The following NOX5 variants were observed in gnomAD, a reference collection of about 807,000 sequenced individuals.
NOX5 encodes the protein NADPH oxidase 5.
NOX5 carries 76 observed loss-of-function variants against 85.7 expected under a neutral mutation model. That is an observed-to-expected ratio of 0.89 (90% CI 0.74 to 1.07). The LOEUF is 1.07. Among genes scored for constraint, NOX5 ranks in the 50% least tolerant of loss-of-function variants. The pLI, the probability that NOX5 is intolerant of heterozygous loss-of-function variation, is 0.00. For synonymous variants in NOX5, 405 were observed against 401.4 expected, an observed-to-expected ratio of 1.01 and a Z score of -0.11; for missense variants, 973 against 999.5, an observed-to-expected ratio of 0.97 and a Z score of 0.36.
chr15:69,030,947 C>A (rs1035601739), intron 3 of NOX5: 1 of 152,794 alleles, frequency 6.5e-6, no homozygotes, highest in Non-Finnish European at 1.5e-5. Context: ...TGTCCATATC[C>A]AAAGCAGGCC....
chr15:69,042,799 G>A lies in NOX5; in HGVS notation c.1641G>A (p.Ser547=), dbSNP rs367755214. 75 of 1,613,470 alleles carry A rather than the reference G, an allele frequency of 4.6e-5. No homozygotes were observed. The highest frequency in any genetic ancestry group is 4.5e-4 in the South Asian group (41 of 90,920). ...TGACAATGAGAAAGAGTCAAAGGTC[G>A]TCCAAGGTAGGTGGCTACTGGAGGG... ...RSVTMRKSQR[S]SKGSEILLEK... Residue 547 remains serine (S), a synonymous_variant, in exon 10 of 16, where the codon TCG becomes TCA. Coordinates refer to ENST00000388866, the MANE Select transcript of NOX5 (RefSeq NM_024505.4).
At chr15:69,023,413 C>T in intron 1 of NOX5, 1 of 386,592 alleles carries the variant, frequency 2.6e-6, no homozygotes, top group Non-Finnish European at 5.0e-6. Context: ...AGGTAATTGT[C>T]ACAACCATAC....
Position 69,033,043 on chromosome 15 carries a change from C to T in NOX5, c.621C>T (p.Ser207=), listed in dbSNP as rs1384161072. Residue 207 remains serine, a splice_region_variant and synonymous_variant, in exon 5 of 16, where the codon AGC becomes AGT. Coordinates refer to ENST00000388866, the MANE Select transcript of NOX5 (RefSeq NM_024505.4). ...FPGVMENLTI[S]AAHWLTAPAP... is the part of the protein sequence containing the mutation. The stretch of plus-strand genomic sequence containing the variant: ...TGAGCGGAACCCGCCTCTCTCGCAG[C>T]GCTGCCCACTGGCTGACGGCCCCCG... The T allele has an allele frequency of 6.4e-7, 1 of 1,554,658 alleles. No individual in the cohort carries two copies. Among genetic ancestry groups the T allele is most frequent in the Non-Finnish European group, 8.6e-7 (1 of 1,165,072 alleles).
chr15:69,031,278 T>G (rs1474409243), intron 3 of NOX5: 3 of 545,434 alleles, frequency 5.5e-6, no homozygotes, highest in Non-Finnish European at 9.7e-6. Flanking sequence ...CAGATAGTCT[T>G]GGAAGTTGAG....
intron 13 of NOX5, among the ~76,000 whole-genome samples, chr15:69,048,397 G>C (rs575723475): frequency 6.6e-6 from 1 of 152,174 alleles, no homozygotes; most frequent in African/African-American, 2.4e-5. Flanking sequence ...GTTGGGTGTG[G>C]TGGTGAGCAC....
intron 1 of NOX5, chr15:69,023,046 T>A (rs1295922293): frequency 2.2e-6 from 1 of 457,618 alleles, no homozygotes; most frequent in African/African-American, 2.1e-5. Context: ...GGGCTTGGGG[T>A]ACTTTGCATC....
At chr15:69,023,328 C>T (rs1384245173) in intron 1 of NOX5, 6 of 257,868 alleles carry the variant, frequency 2.3e-5, no homozygotes, top group Non-Finnish European at 4.6e-5. Flanking sequence ...CACCTAATGC[C>T]ACTTCATTCT....
intron 14 of NOX5, among the ~76,000 whole-genome samples, chr15:69,053,525 C>T (rs928786725): frequency 1.3e-5 from 2 of 152,022 alleles, no homozygotes; most frequent in Non-Finnish European, 1.5e-5. Context: ...GTGGTTATAC[C>T]GTAAATTATT....
At chr15:69,017,410 C>A (rs1042814133) in intron 1 of NOX5, among the ~76,000 whole-genome samples, 1 of 152,124 alleles carries the variant, frequency 6.6e-6, no homozygotes, top group Non-Finnish European at 1.5e-5. Flanking sequence ...CCTCGGCCCC[C>A]CAAAGTACTG....
chr15:69,051,281 G>T (rs563801233), intron 14 of NOX5, among the ~76,000 whole-genome samples: 1 of 152,174 alleles, frequency 6.6e-6, no homozygotes, highest in Admixed American at 6.5e-5. Context: ...TGATAGTCCC[G>T]TGCCACCTGC....
chr15:69,049,957 A>G (rs2050726674), intron 14 of NOX5, among the ~76,000 whole-genome samples: 1 of 152,146 alleles, frequency 6.6e-6, no homozygotes, highest in South Asian at 2.1e-4. Flanking sequence ...TCCTCCTGAA[A>G]ATTTCCTCTT....
At chr15:69,031,844 C>T in intron 4 of NOX5, 32 bp downstream of exon 4, 1 of 1,568,010 alleles carries the variant, frequency 6.4e-7, no homozygotes, top group South Asian at 1.2e-5. Flanking sequence ...TGGCACTGTC[C>T]ACGGCGGCGT....
chr15:69,041,301 C>T (rs1210143304), intron 9 of NOX5, among the ~76,000 whole-genome samples: 2 of 152,240 alleles, frequency 1.3e-5, no homozygotes, highest in Non-Finnish European at 2.9e-5. Context: ...GATCCTAGAA[C>T]TTGAGCTCCA....
intron 10 of NOX5, among the ~76,000 whole-genome samples, chr15:69,044,833 A>G (rs753572257): frequency 6.6e-6 from 1 of 152,264 alleles, no homozygotes; most frequent in Non-Finnish European, 1.5e-5. Context: ...GATTTAAATA[A>G]TAAAGAAATT....
intron 9 of NOX5, 82 bp downstream of exon 9, chr15:69,039,071 C>T: frequency 6.8e-7 from 1 of 1,480,474 alleles, no homozygotes; most frequent in South Asian, 1.1e-5. Flanking sequence ...AAACTCGGAA[C>T]ACAGCACTGA....
intron 15 of NOX5, 103 bp from the exon 16 acceptor site, chr15:69,056,461 TG>T: frequency 6.9e-7 from 1 of 1,455,986 alleles, no homozygotes; most frequent in Non-Finnish European, 9.3e-7. Context: ...GAATGCTCAT[TG>T]CTGCCGACCC....
chr15:69,016,094 G>A (rs1000233748), intron 1 of NOX5, among the ~76,000 whole-genome samples: 1 of 152,210 alleles, frequency 6.6e-6, no homozygotes, highest in Non-Finnish European at 1.5e-5. Context: ...GCTGCTTCTG[G>A]TACACAGGGA....
rs770177293 is a variant in NOX5, at chr15:69,031,816, C to A, written c.620+4C>A. 4.0e-5 allele frequency: 63 copies of A among 1,591,762 alleles called. No individual in the cohort carries two copies. The highest frequency in any genetic ancestry group is 5.2e-5 in the Non-Finnish European group (60 of 1,164,204). ...TCATGGAGAACCTGACCATCAGGTA[C>A]GGCCGGGTCTCGGGCATTGGCACTG... On this transcript the variant is annotated splice_donor_region_variant and intron_variant, in intron 4 of 15. Coordinates refer to ENST00000388866, the MANE Select transcript of NOX5 (RefSeq NM_024505.4).
At position 69,060,173 on chromosome 15, in the gene NOX5, C is replaced by T. The variant is rs150193766; in HGVS notation, c.*3477C>T. ...CCTGAAATGACCAATCAGGCAGGGC[C>T]CTCCTGGACGAGCGGCACAAGTGCA... On this transcript the variant is annotated 3_prime_UTR_variant, in exon 16 of 16. Transcript: ENST00000388866. 6.6e-6 allele frequency: 1 copy of T among 152,388 alleles called. No homozygotes were observed. Among genetic ancestry groups the T allele is most frequent in the Non-Finnish European group, 1.5e-5 (1 of 68,092 alleles). 9.4% of individuals were successfully genotyped at this position (152,388 alleles called of 1,614,324 possible). A position where few individuals can be genotyped will look rare whatever the true frequency, so the allele number is the denominator to read the frequency against.
Sources: gnomAD v4.1 joint callset for allele counts (sites outside exome capture counted in the v4.1 genomes callset) on GRCh38, gnomAD v4.1.1 for gene constraint, MANE v1.5 for transcripts, NCBI Gene and HGNC (gene_info 2026-07-23, HGNC 2026-07-21) for gene names.